Variants in PKIB observed in about 807,000 individuals in gnomAD.
PKIB encodes cAMP-dependent protein kinase inhibitor beta.
PKIB carries 2 observed loss-of-function variants against 4.5 expected under a neutral mutation model. The observed-to-expected ratio is 0.44, with a 90% confidence interval of 0.18 to 1.39. The LOEUF is 1.39. PKIB is among the 40% of genes most tolerant of loss of function. The probability of loss-of-function intolerance (pLI) is 0.27; values close to 1 mark genes in which losing one functional copy is unlikely to be tolerated. For missense variants in PKIB, 94 were observed against 92.6 expected, an observed-to-expected ratio of 1.02 and a Z score of -0.06; for synonymous variants, 38 against 36.0, an observed-to-expected ratio of 1.06 and a Z score of -0.20.
intron 2 of PKIB, among the ~76,000 whole-genome samples, chr6:122,506,129 A>G (rs1340067257): frequency 6.6e-6 from 1 of 152,156 alleles, no homozygotes; most frequent in Non-Finnish European, 1.5e-5. Context: ...TTTAAGGTCT[A>G]TTGAGGAAAA....
intron 2 of PKIB, among the ~76,000 whole-genome samples, chr6:122,547,493 G>A (rs1423475311): frequency 6.6e-6 from 1 of 151,960 alleles, no homozygotes; most frequent in Non-Finnish European, 1.5e-5. Context: ...CCGCCACCAA[G>A]CCCAGCTAAT....
chr6:122,530,054 A>G lies in PKIB; in HGVS notation c.-248+52115A>G, dbSNP rs142804628. On this transcript the variant is annotated intron_variant, in intron 2 of 6. Coordinates refer to the PKIB transcript ENST00000392491. ...CTTCTTTCTCTCCTCTCCTCCTAGT[A>G]TTCTCATATGTATATATTGGTCCAC... Among the ~76,000 whole-genome samples the G allele has an allele frequency of 4.1e-4, 62 of 151,622 alleles. 1 individual carries two copies. Among genetic ancestry groups the G allele is most frequent in the African/African-American group, 1.3e-3 (54 of 41,332 alleles).
intron 2 of PKIB, among the ~76,000 whole-genome samples, chr6:122,521,870 G>C (rs1314969121): frequency 6.6e-6 from 1 of 152,114 alleles, no homozygotes; most frequent in Non-Finnish European, 1.5e-5. Flanking sequence ...AAGAGGATCA[G>C]CTTTGATGAT....
At chr6:122,512,308 T>G (rs1307115365) in intron 2 of PKIB, among the ~76,000 whole-genome samples, 1 of 152,216 alleles carries the variant, frequency 6.6e-6, no homozygotes, top group Non-Finnish European at 1.5e-5. Flanking sequence ...AGTGAACTTC[T>G]CTTTCATTGC....
At chr6:122,625,506 C>T (rs929254855) in intron 1 of PKIB, among the ~76,000 whole-genome samples, 1 of 152,074 alleles carries the variant, frequency 6.6e-6, no homozygotes, top group African/African-American at 2.4e-5. Flanking sequence ...GGCTTGGTGG[C>T]TCATGCCTTT....
intron 2 of PKIB, among the ~76,000 whole-genome samples, chr6:122,639,780 G>A (rs1367257474): frequency 1.3e-5 from 2 of 152,178 alleles, no homozygotes; most frequent in African/African-American, 4.8e-5. Flanking sequence ...TCAAGGGAAA[G>A]GCTTCCTGAA....
chr6:122,619,239 C>T (rs1456868088), intron 1 of PKIB, among the ~76,000 whole-genome samples: 1 of 152,104 alleles, frequency 6.6e-6, no homozygotes, highest in Non-Finnish European at 1.5e-5. Context: ...AGTTATCAAT[C>T]TATTCTCACG....
intron 2 of PKIB, among the ~76,000 whole-genome samples, chr6:122,502,930 G>A (rs1196073814): frequency 6.6e-6 from 1 of 152,142 alleles, no homozygotes. Context: ...AAACTGGGTG[G>A]TTTAAACAAC....
At chr6:122,552,373 G>A (rs892498771) in intron 2 of PKIB, among the ~76,000 whole-genome samples, 2 of 151,742 alleles carry the variant, frequency 1.3e-5, no homozygotes, top group African/African-American at 2.4e-5. Flanking sequence ...TTGTTGTTTT[G>A]TTTTGTTTTG....
At chr6:122,530,373 T>C (rs1777221847) in intron 2 of PKIB, among the ~76,000 whole-genome samples, 1 of 152,178 alleles carries the variant, frequency 6.6e-6, no homozygotes, top group South Asian at 2.1e-4. Context: ...TTTTAGCTCA[T>C]TGAGTATTTT....
At chr6:122,556,584 G>A (rs978073073) in intron 2 of PKIB, among the ~76,000 whole-genome samples, 3 of 152,128 alleles carry the variant, frequency 2.0e-5, no homozygotes, top group Non-Finnish European at 4.4e-5. Context: ...CTACAACTTG[G>A]GCCATATGAA....
intron 4 of PKIB, among the ~76,000 whole-genome samples, chr6:122,722,879 T>G (rs1779798217): frequency 6.6e-6 from 1 of 152,100 alleles, no homozygotes; most frequent in South Asian, 2.1e-4. Context: ...CCTAATAAGA[T>G]TTTCACCTCA....
intron 3 of PKIB, among the ~76,000 whole-genome samples, chr6:122,592,684 T>C (rs1002929316): frequency 6.6e-6 from 1 of 152,190 alleles, no homozygotes; most frequent in Non-Finnish European, 1.5e-5. Context: ...ATTGCCTTTT[T>C]TAGAGTAAAA....
intron 2 of PKIB, among the ~76,000 whole-genome samples, chr6:122,493,044 C>T (rs1280457994): frequency 6.6e-6 from 1 of 152,094 alleles, no homozygotes; most frequent in Non-Finnish European, 1.5e-5. Flanking sequence ...TACAAGTTAT[C>T]TATTGTCTAT....
intron 3 of PKIB, among the ~76,000 whole-genome samples, chr6:122,716,818 C>T (rs532095934): frequency 1.3e-5 from 2 of 152,096 alleles, no homozygotes; most frequent in South Asian, 2.1e-4. Context: ...TCGGTCAATA[C>T]TTAGTGCATT....
chr6:122,566,491 T>G (rs1582702372), intron 2 of PKIB, among the ~76,000 whole-genome samples: 3 of 152,170 alleles, frequency 2.0e-5, no homozygotes, highest in Non-Finnish European at 2.9e-5. Flanking sequence ...TTGAATGATC[T>G]TTATACTAAT....
At chr6:122,711,821 T>A (rs1472030269) in intron 3 of PKIB, among the ~76,000 whole-genome samples, 1 of 152,176 alleles carries the variant, frequency 6.6e-6, no homozygotes, top group African/African-American at 2.4e-5. Flanking sequence ...ATTTTGAATT[T>A]TATATGTTTA....
At chr6:122,659,516 A>C (rs1160171329) in intron 2 of PKIB, among the ~76,000 whole-genome samples, 1 of 152,118 alleles carries the variant, frequency 6.6e-6, no homozygotes, top group Non-Finnish European at 1.5e-5. Flanking sequence ...CCACAAAAGT[A>C]CTGAGTAAAC....
At chr6:122,634,409 T>C (rs189079936) in intron 2 of PKIB, among the ~76,000 whole-genome samples, 1 of 152,126 alleles carries the variant, frequency 6.6e-6, no homozygotes, top group African/African-American at 2.4e-5. Flanking sequence ...GTAAAACTTG[T>C]ATTTGAGGGC....
Sources: gnomAD v4.1 joint callset for allele counts (sites outside exome capture counted in the v4.1 genomes callset) on GRCh38, gnomAD v4.1.1 for gene constraint, MANE v1.5 for transcripts, NCBI Gene and HGNC (gene_info 2026-07-23, HGNC 2026-07-21) for gene names.